PEAK1: variants seen among roughly 807,000 people sequenced by gnomAD.
PEAK1 encodes the protein inactive tyrosine-protein kinase PEAK1.
Under a neutral mutation model 124.7 loss-of-function variants are expected in PEAK1, and 54 were observed. The observed-to-expected ratio is 0.43, with a 90% CI of 0.35 to 0.54. PEAK1 has a LOEUF of 0.54. Ranked by LOEUF, PEAK1 falls within the 20% of genes least tolerant of loss-of-function variation. The pLI is 0.01. For synonymous variants in PEAK1, 719 were observed against 760.0 expected (o/e 0.95, Z 0.89); for missense variants, 2,046 against 2,134.5 (o/e 0.96, Z 0.82).
At chr15:77,176,251 A>C (rs1473908347) in intron 7 of PEAK1, among the ~76,000 whole-genome samples, 2 of 148,834 alleles carry the variant, frequency 1.3e-5, no homozygotes, top group African/African-American at 5.0e-5. Flanking sequence ...TTAAAGTATA[A>C]TAATAAGAAG....
At chr15:77,338,505 TA>T (rs1019150836) in intron 2 of PEAK1, among the ~76,000 whole-genome samples, 1 of 152,084 alleles carries the variant, frequency 6.6e-6, no homozygotes, top group Non-Finnish European at 1.5e-5. Context: ...GCACATTTTG[TA>T]AAAATTAAGT....
chr15:77,285,653 T>C (rs563179605), intron 3 of PEAK1, among the ~76,000 whole-genome samples: 1 of 152,342 alleles, frequency 6.6e-6, no homozygotes, highest in South Asian at 2.1e-4. Flanking sequence ...GCTATCTAGC[T>C]GTTTATAATT....
intron 7 of PEAK1, among the ~76,000 whole-genome samples, chr15:77,169,431 T>C (rs995928647): frequency 6.6e-6 from 1 of 152,230 alleles, no homozygotes; most frequent in African/African-American, 2.4e-5. Context: ...TTGGCCATAG[T>C]TTTAATCAAT....
At chr15:77,323,440 A>G (rs1052138195) in intron 2 of PEAK1, among the ~76,000 whole-genome samples, 7 of 152,182 alleles carry the variant, frequency 4.6e-5, no homozygotes, top group African/African-American at 7.2e-5. Context: ...CAAAGTCTCA[A>G]GACACAAAAT....
intron 5 of PEAK1, among the ~76,000 whole-genome samples, chr15:77,267,125 T>C (rs1361002886): frequency 6.6e-6 from 1 of 152,076 alleles, no homozygotes; most frequent in Non-Finnish European, 1.5e-5. Context: ...AGCCATAATC[T>C]TCCTGGGAAC....
At position 77,133,828 on chromosome 15, in the gene PEAK1, G is replaced by C; in HGVS notation, c.3332-78C>G. The C allele has an allele frequency of 7.0e-7, 1 of 1,421,276 alleles. No individual in the cohort carries two copies. Among genetic ancestry groups the C allele is most frequent in the Non-Finnish European group, 9.3e-7 (1 of 1,073,566 alleles). The allele number at this position is 1,421,276 out of a possible 1,614,324, so 88.0% of individuals were successfully genotyped here. On this transcript the variant is annotated intron_variant, in intron 8 of 9. Transcript: ENST00000682557. This position sits in a 1 kb window ranked among gnomAD's most constrained non-coding sequence, Gnocchi z 4.2. ...TAATTTTATAACTGAAACTTGAGCA[G>C]AAATGAGTGAGGTAGCCATGGGAAT...
At chr15:77,391,444 G>C (rs926877866) in intron 1 of PEAK1, among the ~76,000 whole-genome samples, 1 of 120,426 alleles carries the variant, frequency 8.3e-6, no homozygotes, top group Non-Finnish European at 1.6e-5. Flanking sequence ...AAATACAAGA[G>C]GAAAGGGTAC....
chr15:77,408,933 T>C (rs2072165096), intron 1 of PEAK1, among the ~76,000 whole-genome samples: 1 of 152,122 alleles, frequency 6.6e-6, no homozygotes, highest in Non-Finnish European at 1.5e-5. Context: ...TAGCCGGATG[T>C]GGTGGCATGC....
At chr15:77,313,746 T>A (rs865842067) in intron 2 of PEAK1, among the ~76,000 whole-genome samples, 112 of 91,542 alleles carry the variant, frequency 1.2e-3, no homozygotes, top group South Asian at 1.8e-3. Context: ...ATATATTTAT[T>A]TATTTATTTA....
chr15:77,217,545 A>G (rs889400545), intron 6 of PEAK1, among the ~76,000 whole-genome samples: 1 of 152,194 alleles, frequency 6.6e-6, no homozygotes, highest in Non-Finnish European at 1.5e-5. Context: ...ATTAAACAAG[A>G]GCAATGTTTT....
In PEAK1 at chr15:77,179,564, G is replaced by A. The variant is rs763730489; in HGVS notation, c.2363C>T (p.Pro788Leu). 9.3e-6 allele frequency: 15 copies of A among 1,614,018 alleles called. No homozygotes were observed. In the African/African-American group the frequency reaches 1.9e-4, roughly 20 times the overall value. ...QSPPETPQSG[P>L]KACSVEELYA... is the part of the protein sequence containing the mutation. ...AAGCTCTTCCACACTGCAAGCTTTA[G>A]GGCCAGATTGAGGTGTTTCTGGAGG... Residue 788 changes from proline to leucine, a missense_variant, in exon 7 of 10, where the codon CCT becomes CTT. By Grantham distance (98) the Pro-to-Leu change is moderately conservative. Transcript: ENST00000682557.
At chr15:77,327,377 C>T (rs1430610587) in intron 2 of PEAK1, among the ~76,000 whole-genome samples, 1 of 152,042 alleles carries the variant, frequency 6.6e-6, no homozygotes, top group Non-Finnish European at 1.5e-5. Context: ...AAAGAAACAA[C>T]CCAATGAATC....
At chr15:77,416,098 TCA>T (rs1164357463) in intron 1 of PEAK1, among the ~76,000 whole-genome samples, 1 of 152,236 alleles carries the variant, frequency 6.6e-6, no homozygotes, top group Admixed American at 6.5e-5. Context: ...TCACCAAGTC[TCA>T]GAGACTTCAT....
intron 2 of PEAK1, among the ~76,000 whole-genome samples, chr15:77,302,249 T>C (rs1041823174): frequency 2.6e-5 from 4 of 152,162 alleles, no homozygotes; most frequent in South Asian, 2.1e-4. Flanking sequence ...CTAGTACACA[T>C]TGACTTAGTG....
intron 2 of PEAK1, among the ~76,000 whole-genome samples, chr15:77,309,769 A>C (rs1489490540): frequency 6.6e-6 from 1 of 152,190 alleles, no homozygotes; most frequent in Non-Finnish European, 1.5e-5. Context: ...TTGCCATAAA[A>C]AACTATTAAC....
intron 1 of PEAK1, chr15:77,402,365 T>C (rs1237401867): frequency 4.1e-6 from 4 of 985,310 alleles, no homozygotes; most frequent in Non-Finnish European, 4.8e-6. Context: ...AGTTCCTTCT[T>C]CTCCTCTTTA....
At chr15:77,230,124 A>G (rs2059845331) in intron 6 of PEAK1, among the ~76,000 whole-genome samples, 1 of 152,228 alleles carries the variant, frequency 6.6e-6, no homozygotes, top group South Asian at 2.1e-4. Context: ...GGAAAACATT[A>G]TAAATGCTAT....
chr15:77,114,082 A>G lies in PEAK1; in HGVS notation c.*74T>C, dbSNP rs944415505. The G allele has an allele frequency of 2.3e-5, 34 of 1,454,746 alleles. No individual in the cohort carries two copies. The highest frequency in any genetic ancestry group is 1.6e-5 in the Non-Finnish European group (17 of 1,054,252). 90.1% of individuals were successfully genotyped at this position (1,454,746 alleles called of 1,614,324 possible). A position where few individuals can be genotyped will look rare whatever the true frequency, so the allele number is the denominator to read the frequency against. ...TTCTTCTTTCCTTGAATTTGGAGTG[A>G]GCACTAGGGAGGGGAAGTGCATGGG... On this transcript the variant is annotated 3_prime_UTR_variant, in exon 10 of 10. Transcript: ENST00000682557.
chr15:77,147,355 G>A lies in PEAK1; in HGVS notation c.3331+11148C>T, dbSNP rs537449898. ...TAATGCTCTAGGATGTTGGGATGCA[G>A]AAAGAGGAACAAGCCAAAAATCGGT... On this transcript the variant is annotated intron_variant, in intron 8 of 9. Transcript: ENST00000682557. Among the ~76,000 whole-genome samples, 10 of 152,282 alleles carry A rather than the reference G, an allele frequency of 6.6e-5. No individual in the cohort carries two copies. The East Asian group carries it at 1.3e-3, about 21-fold the overall frequency.
Sources: gnomAD v4.1 joint callset for allele counts (sites outside exome capture counted in the v4.1 genomes callset) on GRCh38, gnomAD v4.1.1 for gene constraint, Gnocchi (gnomAD v3.1) non-coding constraint, MANE v1.5 for transcripts, NCBI Gene and HGNC (gene_info 2026-07-23, HGNC 2026-07-21) for gene names.